Variants in TMEM164 observed in about 807,000 individuals in gnomAD.
TMEM164 encodes transmembrane protein 164.
TMEM164 carries 4 observed loss-of-function variants against 18.8 expected under a neutral mutation model. That is an observed-to-expected ratio of 0.21 (90% confidence interval 0.10 to 0.49). TMEM164 has a LOEUF of 0.49. Ranked by LOEUF, TMEM164 falls within the 20% of genes least tolerant of loss-of-function variation. The pLI is 0.98. For synonymous variants in TMEM164, 86 were observed against 101.7 expected (o/e 0.85, Z 0.93); for missense variants, 108 against 239.9 (o/e 0.45, Z 3.63).
At chrX:110,144,143 A>T (rs1229746455) in intron 4 of TMEM164, among the ~76,000 whole-genome samples, 1 of 111,749 alleles carries the variant, frequency 8.9e-6, no homozygotes, top group Non-Finnish European at 1.9e-5. Flanking sequence ...GTCTAAACTC[A>T]AAAGTAGGGC....
At chrX:110,099,477 C>G (rs1358650147) in intron 3 of TMEM164, among the ~76,000 whole-genome samples, 1 of 111,557 alleles carries the variant, frequency 9.0e-6, no homozygotes, top group African/African-American at 3.3e-5. Context: ...TATGAATGTC[C>G]AATTGCTTCA....
At chrX:110,010,259 C>T (rs757466779) in intron 2 of TMEM164, among the ~76,000 whole-genome samples, 1 of 112,741 alleles carries the variant, frequency 8.9e-6, no homozygotes, top group African/African-American at 3.2e-5. Context: ...CAGAGACTTA[C>T]TTTTCCTTTT....
chrX:110,046,718 T>C (rs986692171), intron 2 of TMEM164, among the ~76,000 whole-genome samples: 1 of 112,393 alleles, frequency 8.9e-6, no homozygotes, highest in African/African-American at 3.2e-5. Context: ...TCCTCTCCCA[T>C]CTATTGTACC....
chrX:110,109,721 C>T (rs1017861396), intron 4 of TMEM164, among the ~76,000 whole-genome samples: 2 of 111,530 alleles, frequency 1.8e-5, no homozygotes, highest in African/African-American at 6.5e-5. Context: ...TAGATTCCTT[C>T]CCCATCCACC....
intron 2 of TMEM164, among the ~76,000 whole-genome samples, chrX:110,017,743 A>G (rs1251587843): frequency 2.9e-5 from 3 of 104,720 alleles, no homozygotes; most frequent in Non-Finnish European, 5.8e-5. Context: ...CTAATTTTGT[A>G]TTTTTAGTAG....
intron 4 of TMEM164, among the ~76,000 whole-genome samples, chrX:110,141,915 C>T (rs2066776147): frequency 9.0e-6 from 1 of 111,684 alleles, no homozygotes; most frequent in Admixed American, 9.5e-5. Context: ...TCCTCTTTCC[C>T]TCCCCTGGCT....
At chrX:110,070,271 G>A (rs1305804800) in intron 3 of TMEM164, among the ~76,000 whole-genome samples, 1 of 111,555 alleles carries the variant, frequency 9.0e-6, no homozygotes, top group Non-Finnish European at 1.9e-5. Context: ...AGCCAGGACT[G>A]TGCCACTGCA....
intron 4 of TMEM164, among the ~76,000 whole-genome samples, chrX:110,143,544 G>T (rs781702713): frequency 1.8e-5 from 2 of 111,433 alleles, no homozygotes; most frequent in Non-Finnish European, 3.8e-5. Flanking sequence ...ATTATTTTCC[G>T]TGTGGATTTT....
intron 3 of TMEM164, among the ~76,000 whole-genome samples, chrX:110,093,139 G>A (rs1019913349): frequency 9.0e-6 from 1 of 111,562 alleles, no homozygotes; most frequent in Non-Finnish European, 1.9e-5. Context: ...TTTTTGCATC[G>A]ATGTTCATCA....
chrX:110,106,856 T>C (rs1224056426), intron 3 of TMEM164, among the ~76,000 whole-genome samples: 1 of 111,723 alleles, frequency 9.0e-6, no homozygotes, highest in Non-Finnish European at 1.9e-5. Flanking sequence ...TTGAGCCAGA[T>C]TTTTTAGTAC....
intron 4 of TMEM164, among the ~76,000 whole-genome samples, chrX:110,116,103 A>T (rs1312484944): frequency 8.9e-6 from 1 of 112,041 alleles, no homozygotes; most frequent in Non-Finnish European, 1.9e-5. Context: ...CAAATAAAAA[A>T]GTAAAACTTA....
Position 110,013,177 on chromosome X carries a change from T to C in TMEM164, c.390+9013T>C, listed in dbSNP as rs181295454. 2.8e-3 allele frequency among the ~76,000 whole-genome samples: 311 copies of C among 112,445 alleles called. 3 individuals are homozygous for C. Among genetic ancestry groups the C allele is most frequent in the African/African-American group, 9.9e-3 (307 of 30,959 alleles). ...ATTGGTATAAAGTCAGGGTGTATTT[T>C]GCCTGTGAATTGAATTGTCTTTGCC... On this transcript the variant is annotated intron_variant, in intron 2 of 6. Transcript: ENST00000372068.
intron 5 of TMEM164, among the ~76,000 whole-genome samples, chrX:110,155,876 C>T (rs774074888): frequency 4.5e-5 from 5 of 111,919 alleles, no homozygotes; most frequent in East Asian, 2.8e-4. Flanking sequence ...GCTTAGACTC[C>T]GATTCTATCA....
chrX:110,149,651 C>T (rs1406407725), intron 5 of TMEM164, among the ~76,000 whole-genome samples: 1 of 112,091 alleles, frequency 8.9e-6, no homozygotes, highest in Non-Finnish European at 1.9e-5. Flanking sequence ...CCTGCTTTCA[C>T]GGTTTAACTA....
intron 2 of TMEM164, among the ~76,000 whole-genome samples, chrX:110,017,546 CCTTCCTTCCTTCCTTT>C (rs1469289331): frequency 2.4e-3 from 77 of 31,675 alleles, no homozygotes; most frequent in Non-Finnish European, 3.9e-3. Context: ...TTCCTTCCTT[CCTTCCTTCCTTCCTTT>C]CTTTCTTTCA....
chrX:110,062,916 G>A (rs1260595344), intron 2 of TMEM164, among the ~76,000 whole-genome samples: 1 of 111,625 alleles, frequency 9.0e-6, no homozygotes, highest in African/African-American at 3.3e-5. Flanking sequence ...GTAGCAGTGT[G>A]CCTGGAGGCA....
At position 110,123,715 on chromosome X, in the gene TMEM164, C is replaced by T. The variant is rs139450387; in HGVS notation, c.507+14569C>T. 4.4e-3 allele frequency among the ~76,000 whole-genome samples: 500 copies of T among 112,529 alleles called. 1 individual carries two copies. Among genetic ancestry groups the T allele is most frequent in the African/African-American group, 0.015 (452 of 31,008 alleles). The stretch of plus-strand genomic sequence containing the variant: ...ATCACTGGCTGGGCCTGGTGGCTCA[C>T]GCCTATAACTGCAACACTTTGGGAG... On this transcript the variant is annotated intron_variant, in intron 4 of 6. Transcript: ENST00000372068.
intron 3 of TMEM164, among the ~76,000 whole-genome samples, chrX:110,093,641 C>T (rs1277620761): frequency 4.5e-5 from 5 of 111,616 alleles, no homozygotes; most frequent in Non-Finnish European, 9.4e-5. Context: ...AAACCAGCTC[C>T]TGGATTCATT....
At chrX:110,022,842 C>T (rs2147726672) in intron 2 of TMEM164, among the ~76,000 whole-genome samples, 1 of 112,141 alleles carries the variant, frequency 8.9e-6, no homozygotes, top group East Asian at 2.8e-4. Context: ...AATTTATGAC[C>T]AGAAAATGCT....
Sources: allele counts gnomAD v4.1 joint callset (sites outside exome capture counted in the v4.1 genomes callset), GRCh38; gene constraint gnomAD v4.1.1; transcripts MANE v1.5; gene names NCBI Gene and HGNC (gene_info 2026-07-23, HGNC 2026-07-21).